Variants in UHRF1 observed in about 807,000 individuals in gnomAD.
UHRF1 encodes ubiquitin like with PHD and ring finger domains 1, also known as E3 ubiquitin-protein ligase UHRF1.
A neutral mutation model predicts 96.5 loss-of-function variants in UHRF1; 9 were observed. The observed-to-expected ratio is 0.09, with a 90% CI of 0.06 to 0.16. The LOEUF (loss-of-function observed/expected upper bound fraction) is 0.16, where lower values mean the gene tolerates loss of function less well. UHRF1 is among the 10% of genes least tolerant of loss of function. UHRF1 has a pLI of 1.00. For missense variants in UHRF1, 626 were observed against 1,131.1 expected (o/e 0.55, Z 6.40); for synonymous variants, 455 against 469.9 (o/e 0.97, Z 0.41).
At chr19:4,903,147 C>T (rs1009366165) in exon 1 of UHRF1, 1 of 323,292 alleles carries the variant, frequency 3.1e-6, no homozygotes, top group Non-Finnish European at 6.0e-6. Context: ...CTGCCTCAGC[C>T]TCCTGAGTAG....
intron 13 of UHRF1, among the ~76,000 whole-genome samples, chr19:4,951,239 C>T (rs1194931354): frequency 1.3e-5 from 2 of 152,196 alleles, no homozygotes; most frequent in East Asian, 3.8e-4. Context: ...GCACTGCAGC[C>T]TGGGTGACAG....
Position 4,941,785 on chromosome 19 carries a change from G to A in UHRF1, c.927G>A (p.Val309=). The A allele has an allele frequency of 6.4e-7, 1 of 1,571,560 alleles. No homozygotes were observed. The highest frequency in any genetic ancestry group is 1.2e-5 in the South Asian group (1 of 85,922). The change falls in exon 7 of 17, where the codon GTG becomes GTA. Residue 309 remains valine, a synonymous_variant. Coordinates refer to ENST00000650932, the MANE Select transcript of UHRF1 (RefSeq NM_001048201.3). ...GPSCKHCKDD[V]NRLCRVCACH... Reference sequence around the variant, plus strand: ...CCTGCAAGCACTGCAAGGACGACGTGAACAGACTCTGCCGGGTCTGCGCCT... The same window carrying A: ...CCTGCAAGCACTGCAAGGACGACGTAAACAGACTCTGCCGGGTCTGCGCCT...
chr19:4,933,276 T>C (rs1203688400), intron 5 of UHRF1, among the ~76,000 whole-genome samples: 1 of 152,100 alleles, frequency 6.6e-6, no homozygotes, highest in Non-Finnish European at 1.5e-5. Context: ...AGTGCAGTGG[T>C]TCGATCTCGG....
intron 13 of UHRF1, among the ~76,000 whole-genome samples, chr19:4,951,457 C>T (rs1339477304): frequency 6.6e-6 from 1 of 152,086 alleles, no homozygotes; most frequent in Non-Finnish European, 1.5e-5. Context: ...CCCATGCTTC[C>T]CTGGTTTCTC....
intron 5 of UHRF1, among the ~76,000 whole-genome samples, chr19:4,936,401 G>A (rs758817098): frequency 7.9e-5 from 12 of 152,168 alleles, no homozygotes; most frequent in Non-Finnish European, 1.2e-4. Context: ...AGGGAGATGC[G>A]TGCTCTGAGA....
rs530878324 is a variant in UHRF1, at chr19:4,930,616, C to T, written c.409-100C>T. On this transcript the variant is annotated intron_variant, in intron 3 of 16. Coordinates refer to ENST00000650932, the MANE Select transcript of UHRF1 (RefSeq NM_001048201.3). This position sits in a 1 kb window ranked among gnomAD's most constrained non-coding sequence, Gnocchi z 4.4. ...ACCTCGCTGTGGGCATTCGAGTTTG[C>T]GCCCTGGTTCCAGAGCATCCCAGTG... 358 of 1,413,006 alleles carry T rather than the reference C, an allele frequency of 2.5e-4. No homozygotes were observed. Among genetic ancestry groups the T allele is most frequent in the African/African-American group, 2.0e-3 (140 of 70,472 alleles). The allele number at this position is 1,413,006 out of a possible 1,614,324, so 87.5% of individuals were successfully genotyped here. A position where few individuals can be genotyped will look rare whatever the true frequency, so the allele number is the denominator to read the frequency against.
chr19:4,933,083 T>G, intron 5 of UHRF1, 127 bp downstream of exon 5: 1 of 1,033,270 alleles, frequency 9.7e-7, no homozygotes, highest in Non-Finnish European at 1.4e-6. Flanking sequence ...GGCCTGGCCT[T>G]CCTGCCTCCC....
At chr19:4,921,624 C>T (rs1324356783) in intron 2 of UHRF1, among the ~76,000 whole-genome samples, 1 of 151,866 alleles carries the variant, frequency 6.6e-6, no homozygotes, top group Non-Finnish European at 1.5e-5. Flanking sequence ...GACGTGATGG[C>T]CCATGCCTGT....
chr19:4,925,771 G>T (rs895316370), intron 2 of UHRF1, among the ~76,000 whole-genome samples: 1 of 151,962 alleles, frequency 6.6e-6, no homozygotes, highest in African/African-American at 2.4e-5. Flanking sequence ...ATCTGCCCTC[G>T]TTGGCCTCCC....
chr19:4,930,184 A>G lies in UHRF1; in HGVS notation c.409-532A>G, dbSNP rs971533491. Among the ~76,000 whole-genome samples the G allele has an allele frequency of 1.2e-4, 18 of 152,152 alleles. No homozygotes were observed. Among genetic ancestry groups the G allele is most frequent in the Non-Finnish European group, 2.1e-4 (14 of 68,030 alleles). On this transcript the variant is annotated intron_variant, in intron 3 of 16. Coordinates refer to ENST00000650932, the MANE Select transcript of UHRF1 (RefSeq NM_001048201.3). The surrounding 1 kb of genome is among the most constrained non-coding windows in gnomAD (Gnocchi z 4.4). ...GAGACGGGATTTCGCCATGTTGGCCAGGCTAGTCTTGAACTCCTGGCCTCA... is the reference window on the plus strand; with the variant it reads ...GAGACGGGATTTCGCCATGTTGGCCGGGCTAGTCTTGAACTCCTGGCCTCA...
chr19:4,950,246 ATT>A (rs202069408), intron 11 of UHRF1, among the ~76,000 whole-genome samples: 12 of 143,234 alleles, frequency 8.4e-5, no homozygotes, highest in East Asian at 4.1e-4. Context: ...GAAATATTAA[ATT>A]TTTTTTTTTT....
upstream of UHRF1, among the ~76,000 whole-genome samples, chr19:4,907,704 C>CTTTTTTTTTTTTTTTTTTTTTTTTTT (rs59867968): frequency 2.1e-5 from 1 of 47,670 alleles, no homozygotes; most frequent in Non-Finnish European, 3.6e-5. Context: ...TTGGCCTGAT[C>CTTTTTTTTTTTTTTTTTTTTTTTTTT]TTTTTTTTTT....
intron 16 of UHRF1, among the ~76,000 whole-genome samples, chr19:4,959,513 G>A (rs1005077751): frequency 6.6e-6 from 1 of 152,134 alleles, no homozygotes; most frequent in Non-Finnish European, 1.5e-5. Flanking sequence ...TCCCTGGCGT[G>A]CAGCCAGCCC....
At chr19:4,908,327 G>A (rs994405052), upstream of UHRF1, among the ~76,000 whole-genome samples, 2 of 152,160 alleles carry the variant, frequency 1.3e-5, no homozygotes, top group South Asian at 4.1e-4. Context: ...AGATAGAGGA[G>A]ACTTAATAGA....
At chr19:4,939,928 G>T (rs2033337022) in intron 5 of UHRF1, among the ~76,000 whole-genome samples, 1 of 151,806 alleles carries the variant, frequency 6.6e-6, no homozygotes, top group Admixed American at 6.6e-5. Flanking sequence ...GGAGGCTGAG[G>T]CAGGAGAGTG....
intron 2 of UHRF1, among the ~76,000 whole-genome samples, chr19:4,914,337 A>T (rs2032407546): frequency 6.6e-6 from 1 of 152,122 alleles, no homozygotes; most frequent in African/African-American, 2.4e-5. Flanking sequence ...AAAGCAACAC[A>T]GTTCCCGGTG....
At chr19:4,947,931 C>G (rs1054694367) in intron 11 of UHRF1, among the ~76,000 whole-genome samples, 2 of 151,484 alleles carry the variant, frequency 1.3e-5, no homozygotes, top group African/African-American at 4.8e-5. Context: ...GACAACCCAT[C>G]TACAAAAAGT....
At chr19:4,938,167 A>G (rs1244846547) in intron 5 of UHRF1, among the ~76,000 whole-genome samples, 1 of 147,658 alleles carries the variant, frequency 6.8e-6, no homozygotes, top group Non-Finnish European at 1.5e-5. Context: ...GGGGTGGGGG[A>G]GGAAGGGAAG....
At chr19:4,926,819 C>T (rs1190747936) in intron 2 of UHRF1, among the ~76,000 whole-genome samples, 1 of 151,670 alleles carries the variant, frequency 6.6e-6, no homozygotes, top group Admixed American at 6.6e-5. Flanking sequence ...AATCCCGGCA[C>T]TTTGGAAGGT....
Sources: allele counts gnomAD v4.1 joint callset (sites outside exome capture counted in the v4.1 genomes callset), GRCh38; gene constraint gnomAD v4.1.1; non-coding constraint Gnocchi (gnomAD v3.1); transcripts MANE v1.5; gene names NCBI Gene and HGNC (gene_info 2026-07-23, HGNC 2026-07-21).